Variants in TANK observed in about 807,000 individuals in gnomAD.
TANK encodes the protein TRAF family member-associated NF-kappa-B activator.
TANK carries 15 observed loss-of-function variants against 43.6 expected under a neutral mutation model. The ratio of observed to expected loss-of-function variants is 0.34; its 90% confidence interval spans 0.23 to 0.53. TANK has a LOEUF of 0.53. Among genes scored for constraint, TANK ranks in the 20% least tolerant of loss-of-function variants. The pLI is 0.94. For synonymous variants in TANK, 162 were observed against 178.2 expected, an observed-to-expected ratio of 0.91 and a Z score of 0.73; for missense variants, 417 against 498.6, an observed-to-expected ratio of 0.84 and a Z score of 1.56.
At chr2:161,201,171 T>C (rs1686394264) in intron 2 of TANK, 1 of 985,424 alleles carries the variant, frequency 1.0e-6, no homozygotes, top group Middle Eastern at 5.2e-4. Flanking sequence ...AAAATTATTG[T>C]AGACTTTGCT....
intron 2 of TANK, among the ~76,000 whole-genome samples, chr2:161,193,734 G>A (rs771598545): frequency 6.6e-6 from 1 of 152,142 alleles, no homozygotes; most frequent in African/African-American, 2.4e-5. Flanking sequence ...TGAAGAGCAG[G>A]CAGCTTTCTT....
intron 2 of TANK, among the ~76,000 whole-genome samples, chr2:161,181,428 A>G (rs904513519): frequency 6.6e-6 from 1 of 151,978 alleles, no homozygotes; most frequent in Non-Finnish European, 1.5e-5. Context: ...CTCAAAAAAC[A>G]ACAACAACAA....
At chr2:161,193,634 A>G (rs1558987437) in intron 2 of TANK, among the ~76,000 whole-genome samples, 1 of 152,216 alleles carries the variant, frequency 6.6e-6, no homozygotes, top group Non-Finnish European at 1.5e-5. Flanking sequence ...CTAGTAAGGC[A>G]GCTCTACCAT....
intron 2 of TANK, among the ~76,000 whole-genome samples, chr2:161,196,583 G>A (rs960199432): frequency 2.6e-5 from 4 of 152,120 alleles, no homozygotes; most frequent in African/African-American, 7.2e-5. Flanking sequence ...GGCCAGGCGC[G>A]GTGGCTCACA....
intron 6 of TANK, among the ~76,000 whole-genome samples, chr2:161,229,278 C>T (rs1231070956): frequency 6.6e-6 from 1 of 152,104 alleles, no homozygotes; most frequent in Non-Finnish European, 1.5e-5. Flanking sequence ...GAAAGATGAG[C>T]ATGGAGAGAT....
At chr2:161,162,103 C>T (rs1684468025) in intron 1 of TANK, among the ~76,000 whole-genome samples, 1 of 152,008 alleles carries the variant, frequency 6.6e-6, no homozygotes, top group Admixed American at 6.6e-5. Flanking sequence ...CATTTCTCTC[C>T]CAACTGACTA....
At chr2:161,149,352 T>C (rs1249621107) in intron 1 of TANK, among the ~76,000 whole-genome samples, 1 of 152,228 alleles carries the variant, frequency 6.6e-6, no homozygotes, top group Non-Finnish European at 1.5e-5. Context: ...GTAACTTTGC[T>C]AAATTCATTT....
intron 2 of TANK, among the ~76,000 whole-genome samples, chr2:161,192,079 T>C (rs550305907): frequency 6.6e-5 from 10 of 152,276 alleles, no homozygotes; most frequent in African/African-American, 2.2e-4. Context: ...TGAGCCACCA[T>C]GCCCAGCCCT....
At chr2:161,232,707 A>T in intron 7 of TANK, 2 of 1,542,672 alleles carry the variant, frequency 1.3e-6, no homozygotes, top group Admixed American at 2.0e-5. Context: ...TTTCTCTATT[A>T]TATGTCTTGC....
intron 1 of TANK, among the ~76,000 whole-genome samples, chr2:161,176,847 A>G (rs905490948): frequency 9.2e-5 from 14 of 151,940 alleles, no homozygotes; most frequent in Admixed American, 5.9e-4. Context: ...TATATTGACA[A>G]TTTTTCATGA....
intron 6 of TANK, chr2:161,227,143 T>C (rs1381853193): frequency 6.6e-6 from 1 of 152,246 alleles, no homozygotes; most frequent in Non-Finnish European, 1.5e-5. Flanking sequence ...TCTAGTAGCA[T>C]TAGGAATGTA....
intron 4 of TANK, chr2:161,216,427 C>G (rs573404505): frequency 8.5e-6 from 4 of 470,104 alleles, no homozygotes; most frequent in South Asian, 6.2e-5. Context: ...TCTTGCTTCT[C>G]ATCTTATCCT....
At chr2:161,169,428 T>A (rs942517648) in intron 1 of TANK, among the ~76,000 whole-genome samples, 1 of 152,190 alleles carries the variant, frequency 6.6e-6, no homozygotes, top group Non-Finnish European at 1.5e-5. Flanking sequence ...AATGCTAATC[T>A]AATGAAAAAT....
At chr2:161,232,192 C>G (rs1279987690) in intron 7 of TANK, among the ~76,000 whole-genome samples, 4 of 152,102 alleles carry the variant, frequency 2.6e-5, no homozygotes, top group Non-Finnish European at 1.5e-5. Flanking sequence ...TAATATCCCC[C>G]AAACCACTCC....
chr2:161,214,866 A>G (rs918945734), intron 4 of TANK, among the ~76,000 whole-genome samples: 2 of 152,180 alleles, frequency 1.3e-5, no homozygotes, highest in Admixed American at 6.5e-5. Flanking sequence ...GGTCCTGCCT[A>G]GGAGGTAACA....
chr2:161,178,455 T>C (rs1349658683), intron 1 of TANK, among the ~76,000 whole-genome samples: 1 of 150,554 alleles, frequency 6.6e-6, no homozygotes, highest in Non-Finnish European at 1.5e-5. Context: ...ATAGACAAAT[T>C]CGTAGAGACA....
intron 2 of TANK, among the ~76,000 whole-genome samples, chr2:161,188,304 A>T (rs1339981001): frequency 6.6e-6 from 1 of 152,192 alleles, no homozygotes; most frequent in African/African-American, 2.4e-5. Context: ...AGTTAGCTTG[A>T]CTAAAAAAAG....
intron 7 of TANK, 66 bp from the exon 8 acceptor site, chr2:161,235,276 A>G (rs535503094): frequency 4.3e-6 from 6 of 1,398,244 alleles, no homozygotes; most frequent in East Asian, 4.9e-5. Context: ...CAGAAATTCA[A>G]ATTTGAAGTC....
At chr2:161,206,149 TAGAAG>T (rs1168978679) in intron 4 of TANK, among the ~76,000 whole-genome samples, 1 of 152,070 alleles carries the variant, frequency 6.6e-6, no homozygotes, top group Non-Finnish European at 1.5e-5. Flanking sequence ...TTTTTTTTAA[TAGAAG>T]AGAGCCAAGC....
Sources: gnomAD v4.1 joint callset for allele counts (sites outside exome capture counted in the v4.1 genomes callset) on GRCh38, gnomAD v4.1.1 for gene constraint, MANE v1.5 for transcripts, NCBI Gene and HGNC (gene_info 2026-07-23, HGNC 2026-07-21) for gene names.